ESRRB: variants seen among roughly 807,000 people sequenced by gnomAD.
ESRRB encodes estrogen related receptor beta, also known as steroid hormone receptor ERR2.
ESRRB carries 16 observed loss-of-function variants against 46.0 expected under a neutral mutation model. That is an observed-to-expected ratio of 0.35 (90% CI 0.24 to 0.53). The LOEUF (loss-of-function observed/expected upper bound fraction) is 0.53, where lower values mean the gene tolerates loss of function less well. ESRRB is among the 20% of genes least tolerant of loss of function. The probability of loss-of-function intolerance (pLI) is 0.93; values close to 1 mark genes in which losing one functional copy is unlikely to be tolerated. For synonymous variants in ESRRB, 246 were observed against 259.6 expected (o/e 0.95, Z 0.50); for missense variants, 488 against 607.4 (o/e 0.80, Z 2.07).
intron 1 of ESRRB, among the ~76,000 whole-genome samples, chr14:76,415,486 C>T (rs1371040470): frequency 6.6e-6 from 1 of 151,996 alleles, no homozygotes; most frequent in Non-Finnish European, 1.5e-5. Flanking sequence ...GTGGTAAAAC[C>T]CTGTCTCTAC....
At chr14:76,491,947 C>T (rs1041484934) in intron 6 of ESRRB, among the ~76,000 whole-genome samples, 2 of 152,224 alleles carry the variant, frequency 1.3e-5, no homozygotes, top group African/African-American at 2.4e-5. Flanking sequence ...TCCAGACTGG[C>T]ACACTGGCTA....
chr14:76,423,875 G>C (rs888415281), intron 1 of ESRRB, among the ~76,000 whole-genome samples: 13 of 152,206 alleles, frequency 8.5e-5, no homozygotes, highest in Admixed American at 3.9e-4. Flanking sequence ...AGTGTGGCTG[G>C]GATGGAGTGA....
intron 1 of ESRRB, among the ~76,000 whole-genome samples, chr14:76,413,812 G>T (rs137916740): frequency 1.3e-5 from 2 of 151,082 alleles, no homozygotes; most frequent in Non-Finnish European, 3.0e-5. Flanking sequence ...TGCAGCAGAG[G>T]CGGCCCCCGC....
chr14:76,495,274 G>C (rs11620876), intron 6 of ESRRB: 5 of 151,900 alleles, frequency 3.3e-5, no homozygotes, highest in Admixed American at 3.3e-4. Flanking sequence ...GCACTTTGTC[G>C]CATGGTATGA....
chr14:76,420,871 C>A (rs1886927215), intron 1 of ESRRB, among the ~76,000 whole-genome samples: 1 of 152,160 alleles, frequency 6.6e-6, no homozygotes, highest in South Asian at 2.1e-4. Context: ...CCCACCTGTG[C>A]ACATGGATGA....
At chr14:76,319,122 G>T (rs933601711) in intron 1 of ESRRB, among the ~76,000 whole-genome samples, 1 of 152,218 alleles carries the variant, frequency 6.6e-6, no homozygotes, top group Admixed American at 6.5e-5. Flanking sequence ...CTGCAGTCCA[G>T]ATGTGAAGGT....
chr14:76,414,831 T>A (rs1886629466), intron 1 of ESRRB, among the ~76,000 whole-genome samples: 1 of 152,110 alleles, frequency 6.6e-6, no homozygotes, highest in South Asian at 2.1e-4. Flanking sequence ...GTGCAGTGGC[T>A]TGTGGTGGCT....
intron 6 of ESRRB, among the ~76,000 whole-genome samples, chr14:76,494,399 T>C (rs987765616): frequency 2.6e-5 from 4 of 151,262 alleles, no homozygotes; most frequent in African/African-American, 4.9e-5. Context: ...CTCCGCCTCC[T>C]GGGTTCAAGC....
chr14:76,316,595 T>A (rs1883803177), intron 1 of ESRRB, among the ~76,000 whole-genome samples: 2 of 152,176 alleles, frequency 1.3e-5, no homozygotes, highest in Admixed American at 6.5e-5. Context: ...TGGGGCCACT[T>A]CTAGTCACTT....
rs1448446003 is a variant in ESRRB at position 76,456,338 on chromosome 14, T to C, written c.461-6207T>C. On this transcript the variant is annotated intron_variant, in intron 2 of 6. Transcript: ENST00000644823. ...ATGACGCATAGACAGGTGTGCTCCATGTGCCATGATGGGCCAGAGAACCCA... is the reference window on the plus strand; with the variant it reads ...ATGACGCATAGACAGGTGTGCTCCACGTGCCATGATGGGCCAGAGAACCCA... Among the ~76,000 whole-genome samples, 3 of 152,288 alleles carry C rather than the reference T, an allele frequency of 2.0e-5. No homozygotes were observed. The East Asian group carries it at 5.8e-4, about 29-fold the overall frequency.
At chr14:76,433,877 A>G (rs1225373560) in intron 1 of ESRRB, among the ~76,000 whole-genome samples, 1 of 151,596 alleles carries the variant, frequency 6.6e-6, no homozygotes, top group Non-Finnish European at 1.5e-5. Flanking sequence ...AATTTCCATG[A>G]CATGCTCTAT....
intron 1 of ESRRB, among the ~76,000 whole-genome samples, chr14:76,365,480 A>AAAAC (rs145410460): frequency 0.014 from 2,205 of 152,102 alleles, 48 homozygotes; most frequent in African/African-American, 0.049. Context: ...TCCTGTCTCC[A>AAAAC]AAACAAACAA....
intron 1 of ESRRB, among the ~76,000 whole-genome samples, chr14:76,387,800 T>C (rs750199756): frequency 6.6e-6 from 1 of 152,148 alleles, no homozygotes; most frequent in Non-Finnish European, 1.5e-5. Context: ...TTTTAGGATT[T>C]GATGTAAGAA....
chr14:76,495,151 G>A lies in ESRRB; in HGVS notation c.1121-3063G>A, dbSNP rs116184770. Among the ~76,000 whole-genome samples, 754 of 152,126 alleles carry A rather than the reference G, an allele frequency of 5.0e-3. 7 individuals carry two copies. The highest frequency in any genetic ancestry group is 0.017 in the African/African-American group (720 of 41,496). ...ATGCAGCCACATCCATGTGTATATA[G>A]ACATACACACACACCCCCACCTGAG... On this transcript the variant is annotated intron_variant, in intron 6 of 6. Transcript: ENST00000644823.
At chr14:76,372,138 G>T (rs918036281), upstream of ESRRB, among the ~76,000 whole-genome samples, 2 of 152,112 alleles carry the variant, frequency 1.3e-5, no homozygotes, top group Non-Finnish European at 2.9e-5. Context: ...GAGTAGGATG[G>T]CATACCCTGA....
chr14:76,452,960 A>G (rs1194213196), intron 2 of ESRRB, among the ~76,000 whole-genome samples: 1 of 152,216 alleles, frequency 6.6e-6, no homozygotes. Context: ...AGCCTCTAAG[A>G]CTGTGGTTCT....
intron 2 of ESRRB, among the ~76,000 whole-genome samples, chr14:76,452,236 G>A (rs1205095272): frequency 6.6e-6 from 1 of 151,950 alleles, no homozygotes; most frequent in South Asian, 2.1e-4. Context: ...CATTACATCC[G>A]GCCACAGGAA....
intron 1 of ESRRB, among the ~76,000 whole-genome samples, chr14:76,385,880 G>T (rs761134815): frequency 2.2e-4 from 34 of 152,272 alleles, no homozygotes; most frequent in African/African-American, 7.7e-4. Flanking sequence ...AATTAGATGT[G>T]TAGATTCTCT....
chr14:76,464,435 C>G (rs1342535925), intron 3 of ESRRB, among the ~76,000 whole-genome samples: 1 of 152,214 alleles, frequency 6.6e-6, no homozygotes, highest in Admixed American at 6.5e-5. Context: ...ATTTCCAGGT[C>G]CCCCACTTCA....
Sources: allele counts gnomAD v4.1 joint callset (sites outside exome capture counted in the v4.1 genomes callset), GRCh38; gene constraint gnomAD v4.1.1; transcripts MANE v1.5; gene names NCBI Gene and HGNC (gene_info 2026-07-23, HGNC 2026-07-21).